The following SLC5A1 variants were observed in gnomAD, a reference collection of about 807,000 sequenced individuals.
SLC5A1 encodes the protein sodium/glucose cotransporter 1.
SLC5A1 carries 42 observed loss-of-function variants against 73.5 expected under a neutral mutation model. The ratio of observed to expected loss-of-function variants is 0.57; its 90% CI spans 0.45 to 0.74. The LOEUF is 0.74. Among genes scored for constraint, SLC5A1 ranks in the 30% least tolerant of loss-of-function variants. The pLI, the probability that SLC5A1 is intolerant of heterozygous loss-of-function variation, is 0.00. For synonymous variants in SLC5A1, 300 were observed against 317.4 expected, an observed-to-expected ratio of 0.95 and a Z score of 0.58; for missense variants, 634 against 855.4, an observed-to-expected ratio of 0.74 and a Z score of 3.23.
At chr22:32,089,910 G>A (rs907225687) in intron 10 of SLC5A1, among the ~76,000 whole-genome samples, 2 of 152,078 alleles carry the variant, frequency 1.3e-5, no homozygotes, top group Non-Finnish European at 2.9e-5. Flanking sequence ...GAATAATAGA[G>A]ATTATAGCCA....
Position 32,112,868 on chromosome 22 carries a change from AGT to A in SLC5A1, c.*2659_*2660del, listed in dbSNP as rs2094059893. On this transcript the variant is annotated 3_prime_UTR_variant, in exon 15 of 15. Coordinates refer to ENST00000266088, the MANE Select transcript of SLC5A1 (RefSeq NM_000343.4). ...CATATACTTGAAAATTGCTGAGAGT[AGT>A]GTGAGTGTTCTACCACAAAAAAATA... 3 of 152,234 alleles carry A rather than the reference AGT, an allele frequency of 2.0e-5. No homozygotes were observed. The highest frequency in any genetic ancestry group is 4.8e-5 in the African/African-American group (2 of 41,466). The allele number at this position is 152,234 out of a possible 1,614,324, so 9.4% of individuals were successfully genotyped here. A position where few individuals can be genotyped will look rare whatever the true frequency, so the allele number is the denominator to read the frequency against.
intron 11 of SLC5A1, among the ~76,000 whole-genome samples, chr22:32,093,642 C>T (rs2094021762): frequency 6.6e-6 from 1 of 151,490 alleles, no homozygotes; most frequent in African/African-American, 2.4e-5. Flanking sequence ...TGATTCTCAG[C>T]TTGGTCACTG....
At chr22:32,062,795 A>G (rs2149486647) in intron 2 of SLC5A1, among the ~76,000 whole-genome samples, 1 of 152,340 alleles carries the variant, frequency 6.6e-6, no homozygotes, top group South Asian at 2.1e-4. Flanking sequence ...AGTTCCAGCA[A>G]CAGGAGTGGC....
At chr22:32,086,140 C>CA (rs374963859) in intron 9 of SLC5A1, 80 bp from the exon 10 acceptor site, 65,099 of 672,562 alleles carry the variant, frequency 0.097, 233 homozygotes, top group African/African-American at 0.14. Flanking sequence ...GACTCCGTCT[C>CA]AAAAAAAAAA....
chr22:32,088,360 G>C (rs546877289), intron 10 of SLC5A1, among the ~76,000 whole-genome samples: 22 of 145,460 alleles, frequency 1.5e-4, no homozygotes, highest in African/African-American at 5.5e-4. Context: ...TTTTGAGATG[G>C]AGTCTTGCTC....
chr22:32,083,251 T>A (rs1424314220), intron 7 of SLC5A1, 97 bp downstream of exon 7: 4 of 1,001,656 alleles, frequency 4.0e-6, no homozygotes, highest in Non-Finnish European at 6.2e-6. Flanking sequence ...CTTGCCAGAC[T>A]AGGCAGTGAG....
At chr22:32,089,291 A>T (rs2094013196) in intron 10 of SLC5A1, among the ~76,000 whole-genome samples, 1 of 152,204 alleles carries the variant, frequency 6.6e-6, no homozygotes, top group African/African-American at 2.4e-5. Context: ...CCATTAAAAA[A>T]ACCTCGCAAC....
chr22:32,060,010 G>GTT (rs1235596027), intron 2 of SLC5A1, among the ~76,000 whole-genome samples: 84 of 121,728 alleles, frequency 6.9e-4, no homozygotes, highest in Middle Eastern at 4.1e-3. Flanking sequence ...AGGGGCCATG[G>GTT]TTATACACAC....
At chr22:32,105,239 C>T (rs1175773756) in intron 14 of SLC5A1, among the ~76,000 whole-genome samples, 1 of 152,090 alleles carries the variant, frequency 6.6e-6, no homozygotes, top group African/African-American at 2.4e-5. Flanking sequence ...GGGTGTCCAC[C>T]CCCTCAAGCA....
At chr22:32,090,403 C>T (rs866619886) in intron 10 of SLC5A1, among the ~76,000 whole-genome samples, 8 of 152,064 alleles carry the variant, frequency 5.3e-5, no homozygotes, top group South Asian at 2.1e-4. Flanking sequence ...TCATATAATA[C>T]GTGTTTTTTT....
In SLC5A1 at chr22:32,109,984, G is replaced by A. The variant is rs201685531; in HGVS notation, c.1772-6G>A. The A allele has an allele frequency of 9.2e-5, 148 of 1,612,572 alleles. 2 individuals are homozygous for A. The South Asian group carries it at 1.5e-3, about 16-fold the overall frequency. On this transcript the variant is annotated splice_region_variant and splice_polypyrimidine_tract_variant and intron_variant, in intron 14 of 14. Coordinates refer to ENST00000266088, the MANE Select transcript of SLC5A1 (RefSeq NM_000343.4). ...TGTCCAATAATTCTTCTATGCCTTTGCCCAGAAACACAAGTTCCTGAGAAG... is the reference window on the plus strand; with the variant it reads ...TGTCCAATAATTCTTCTATGCCTTTACCCAGAAACACAAGTTCCTGAGAAG...
At chr22:32,102,319 T>A in intron 13 of SLC5A1, 82 bp downstream of exon 13, 1 of 971,934 alleles carries the variant, frequency 1.0e-6, no homozygotes, top group Non-Finnish European at 1.7e-6. Flanking sequence ...TTTTCATTAT[T>A]ATGGGTACAT....
intron 13 of SLC5A1, among the ~76,000 whole-genome samples, chr22:32,104,202 A>G (rs1229897153): frequency 1.3e-5 from 2 of 152,190 alleles, no homozygotes; most frequent in African/African-American, 4.8e-5. Context: ...TTTGTGTTGT[A>G]TCAACTGCTT....
intron 10 of SLC5A1, among the ~76,000 whole-genome samples, chr22:32,091,361 G>T (rs550175328): frequency 6.8e-6 from 1 of 147,934 alleles, no homozygotes; most frequent in Non-Finnish European, 1.5e-5. Context: ...CTTCATCATC[G>T]TCCAGTTGCA....
chr22:32,081,906 T>C lies in SLC5A1; in HGVS notation c.518T>C (p.Leu173Ser). Residue 173 changes from leucine (L) to serine (S), a missense_variant, in exon 6 of 15, where the codon TTA (leucine) becomes TCA (serine). By Grantham distance (145) the Leu-to-Ser change is moderately radical. Transcript: ENST00000266088. ...GGGGCCATATTCATCAATCTGGCCTTAGGCCTGAATCTGTATTTAGCCATC... is the reference window on the plus strand; with the variant it reads ...GGGGCCATATTCATCAATCTGGCCTCAGGCCTGAATCTGTATTTAGCCATC... ...FSGAIFINLA[L>S]GLNLYLAIFL... 6.2e-7 allele frequency: 1 copy of C among 1,613,794 alleles called. No homozygotes were observed. The highest frequency in any genetic ancestry group is 1.7e-5 in the Admixed American group (1 of 60,016).
intron 1 of SLC5A1, among the ~76,000 whole-genome samples, chr22:32,049,040 C>G (rs1454920979): frequency 1.3e-5 from 2 of 150,136 alleles, no homozygotes; most frequent in Non-Finnish European, 3.0e-5. Context: ...TGCCACTGCA[C>G]TCCAGCCTGG....
chr22:32,068,972 T>C (rs1190947746), intron 5 of SLC5A1, among the ~76,000 whole-genome samples: 2 of 152,182 alleles, frequency 1.3e-5, no homozygotes, highest in South Asian at 2.1e-4. Context: ...CCCATGTTCA[T>C]TGTAGCACTA....
At chr22:32,106,914 T>A (rs2094047190) in intron 14 of SLC5A1, among the ~76,000 whole-genome samples, 1 of 152,190 alleles carries the variant, frequency 6.6e-6, no homozygotes, top group African/African-American at 2.4e-5. Context: ...ATTCTCAATC[T>A]GGCCATCAGG....
chr22:32,079,123 AAAAC>A lies in SLC5A1; in HGVS notation c.478-2723_478-2720del, dbSNP rs199677262. 3.9e-3 allele frequency among the ~76,000 whole-genome samples: 592 copies of A among 152,282 alleles called. 6 individuals are homozygous for A. Among genetic ancestry groups the A allele is most frequent in the African/African-American group, 0.012 (515 of 41,552 alleles). ...AAAACTCTCTGAACATGAAGAAAAG[AAAAC>A]AAACAAACAAACAAACAAAAAAAAA... On this transcript the variant is annotated intron_variant, in intron 5 of 14. Transcript: ENST00000266088.
Sources: gnomAD v4.1 joint callset for allele counts (sites outside exome capture counted in the v4.1 genomes callset) on GRCh38, gnomAD v4.1.1 for gene constraint, MANE v1.5 for transcripts, NCBI Gene and HGNC (gene_info 2026-07-23, HGNC 2026-07-21) for gene names.